IBSP: variants seen among roughly 807,000 people sequenced by gnomAD.
The protein encoded by IBSP is integrin-binding sialoprotein.
In IBSP, 19 loss-of-function variants were observed where a neutral mutation model predicts 25.5. That is an observed-to-expected ratio of 0.74 (90% CI 0.52 to 1.09). The LOEUF is 1.09. IBSP is among the 50% of genes least tolerant of loss of function. The pLI is 0.00. For synonymous variants in IBSP, 144 were observed against 137.6 expected (o/e 1.05, Z -0.33); for missense variants, 360 against 382.3 (o/e 0.94, Z 0.49).
intron 5 of IBSP, among the ~76,000 whole-genome samples, chr4:87,808,900 G>A (rs1722130093): frequency 1.3e-5 from 2 of 152,272 alleles, no homozygotes; most frequent in Admixed American, 1.3e-4. Context: ...GTGCTGCTAT[G>A]AACTTTCTAG....
intron 6 of IBSP, 143 bp downstream of exon 6, chr4:87,810,907 C>T (rs1217473156): frequency 7.5e-6 from 5 of 669,564 alleles, no homozygotes; most frequent in Non-Finnish European, 9.6e-6. Flanking sequence ...TTCATTAACT[C>T]GCTGAAGTGA....
chr4:87,805,233 A>C (rs1722074120), intron 4 of IBSP, among the ~76,000 whole-genome samples: 1 of 152,232 alleles, frequency 6.6e-6, no homozygotes, highest in Non-Finnish European at 1.5e-5. Context: ...TAACTGGGTC[A>C]TCAGAATCAA....
chr4:87,801,624 G>A (rs1722018578), intron 1 of IBSP, among the ~76,000 whole-genome samples: 1 of 151,880 alleles, frequency 6.6e-6, no homozygotes, highest in Admixed American at 6.6e-5. Flanking sequence ...ATAGAAGCTG[G>A]AAACCGCCTA....
At chr4:87,810,487 G>C (rs927544690) in intron 5 of IBSP, 119 bp from the exon 6 acceptor site, 2 of 745,706 alleles carry the variant, frequency 2.7e-6, no homozygotes, top group African/African-American at 3.5e-5. Flanking sequence ...TGATCAGCCA[G>C]CTGAGGGATG....
chr4:87,811,487 C>T lies in IBSP; in HGVS notation c.531C>T (p.Asn177=), dbSNP rs1405880835. 2 of 1,613,916 alleles carry T rather than the reference C, an allele frequency of 1.2e-6. No individual in the cohort carries two copies. Among genetic ancestry groups the T allele is most frequent in the Non-Finnish European group, 1.7e-6 (2 of 1,179,952 alleles). ...TGGATGAAAACGAACAAGGCATAAA[C>T]GGCACCAGTACCAACAGCACAGAGG... ...AEVDENEQGI[N]GTSTNSTEAE... is the part of the protein sequence containing the mutation. Residue 177 remains asparagine, a synonymous_variant, in exon 7 of 7, where the codon AAC becomes AAT. Transcript: ENST00000226284.
rs775276791 is a variant in IBSP at position 87,811,358 on chromosome 4, A to G, written c.406-4A>G. ...TTTGGGTTCTTTCAAACGTTTCCTT[A>G]CAGGCTGGGGATATAACAAATAAAG... On this transcript the variant is annotated splice_region_variant and splice_polypyrimidine_tract_variant and intron_variant, in intron 6 of 6. Transcript: ENST00000226284. 2 of 1,587,968 alleles carry G rather than the reference A, an allele frequency of 1.3e-6. No homozygotes were observed. The highest frequency in any genetic ancestry group is 2.7e-5 in the African/African-American group (2 of 73,100).
intron 6 of IBSP, 65 bp downstream of exon 6, chr4:87,810,829 CT>C: frequency 2.1e-6 from 3 of 1,424,048 alleles, no homozygotes; most frequent in Non-Finnish European, 2.9e-6. Context: ...AATGTTCAAT[CT>C]TTTTTAAACT....
In IBSP at chr4:87,811,546, A is replaced by T. The variant is rs756145939; in HGVS notation, c.590A>T (p.Asn197Ile). The stretch of plus-strand genomic sequence containing the variant: ...GGCAACGGCAGCAGCGGAGGAGACA[A>T]TGGAGAAGAAGGGGAAGAAGAAAGT... ...ENGNGSSGGD[N>I]GEEGEEESVT... The change falls in exon 7 of 7, where the codon AAT becomes ATT. Residue 197 changes from asparagine to isoleucine, a missense_variant. Asn to Ile is a moderately radical substitution (Grantham distance 149). Coordinates refer to ENST00000226284, the MANE Select transcript of IBSP (RefSeq NM_004967.4). The T allele has an allele frequency of 3.9e-5, 63 of 1,613,812 alleles. No homozygotes were observed. The highest frequency in any genetic ancestry group is 5.3e-5 in the Non-Finnish European group (62 of 1,179,946).
intron 5 of IBSP, among the ~76,000 whole-genome samples, chr4:87,807,864 G>T (rs1722111330): frequency 6.6e-6 from 1 of 152,158 alleles, no homozygotes; most frequent in Non-Finnish European, 1.5e-5. Context: ...ATGCTGCCTA[G>T]CATAATTTCT....
At position 87,811,736 on chromosome 4, in the gene IBSP, G is replaced by C. The variant is rs780337894; in HGVS notation, c.780G>C (p.Glu260Asp). ...PFGKTTTVEY[E>D]GEYEYTGANE... Reference sequence around the variant, plus strand: ...GGAAAACCACCACCGTTGAATACGAGGGGGAGTACGAATACACGGGCGCCA... The same window carrying C: ...GGAAAACCACCACCGTTGAATACGACGGGGAGTACGAATACACGGGCGCCA... Residue 260 changes from glutamate (E) to aspartate (D), a missense_variant, in exon 7 of 7, where the codon GAG becomes GAC. Physicochemically the swap from Glu to Asp is conservative, Grantham distance 45. Transcript: ENST00000226284. The C allele has an allele frequency of 3.7e-6, 6 of 1,613,886 alleles. No homozygotes were observed. Among genetic ancestry groups the C allele is most frequent in the East Asian group, 4.5e-5 (2 of 44,880 alleles).
rs1298670923 is a variant in IBSP, at chr4:87,812,137, A to C, written c.*227A>C. The C allele has an allele frequency of 7.0e-6, 3 of 426,606 alleles. No individual in the cohort carries two copies. Among genetic ancestry groups the C allele is most frequent in the Admixed American group, 8.2e-5 (2 of 24,382 alleles). 26.4% of individuals were successfully genotyped at this position (426,606 alleles called of 1,614,324 possible). On this transcript the variant is annotated 3_prime_UTR_variant, in exon 7 of 7. Coordinates refer to ENST00000226284, the MANE Select transcript of IBSP (RefSeq NM_004967.4). ...TGTAAATCAGGACCATTTATCAAGCAGTACACCAACTCATAAGATCAAATT... is the reference window on the plus strand; with the variant it reads ...TGTAAATCAGGACCATTTATCAAGCCGTACACCAACTCATAAGATCAAATT...
At chr4:87,801,691 G>C (rs1423432987) in intron 1 of IBSP, among the ~76,000 whole-genome samples, 6 of 152,114 alleles carry the variant, frequency 3.9e-5, no homozygotes, top group African/African-American at 7.2e-5. Flanking sequence ...ATCTCACTCT[G>C]TTGCCCAGGG....
rs796219608 is a variant in IBSP at position 87,807,006 on chromosome 4, G to GA, written c.246+832dup. ...CGCAACAGAGCAAGACTCTGTCACA[G>GA]AAAAAAAAAACAAAAACAACAAAAA... On this transcript the variant is annotated intron_variant, in intron 5 of 6. Coordinates refer to ENST00000226284, the MANE Select transcript of IBSP (RefSeq NM_004967.4). 3.1e-4 allele frequency among the ~76,000 whole-genome samples: 44 copies of GA among 144,124 alleles called. 1 individual carries two copies. Among genetic ancestry groups the GA allele is most frequent in the Admixed American group, 6.3e-4 (9 of 14,316 alleles). 94.6% of individuals were successfully genotyped at this position (144,124 alleles called of 152,430 possible).
chr4:87,811,986 T>C lies in IBSP; in HGVS notation c.*76T>C, dbSNP rs747714902. 5.1e-6 allele frequency: 6 copies of C among 1,166,432 alleles called. No individual in the cohort carries two copies. Among genetic ancestry groups the C allele is most frequent in the South Asian group, 1.6e-5 (1 of 63,410 alleles). 72.3% of individuals were successfully genotyped at this position (1,166,432 alleles called of 1,614,324 possible). A position where few individuals can be genotyped will look rare whatever the true frequency, so the allele number is the denominator to read the frequency against. On this transcript the variant is annotated 3_prime_UTR_variant, in exon 7 of 7. Transcript: ENST00000226284. The stretch of plus-strand genomic sequence containing the variant: ...ATTTTCGAAGTTCAACTCAGGAAGG[T>C]GCAATATAACAAATGTGCATATTAT...
intron 4 of IBSP, among the ~76,000 whole-genome samples, chr4:87,803,969 G>A (rs1722057955): frequency 6.6e-6 from 1 of 152,084 alleles, no homozygotes; most frequent in African/African-American, 2.4e-5. Flanking sequence ...TATTTTTATA[G>A]ATATGTATGT....
chr4:87,802,372 C>T lies in IBSP; in HGVS notation c.11C>T (p.Ala4Val). ...GAAGCAATCACCAAAATGAAGACTGCTTTAATTTTGCTCAGCATTTTGGGA... is the reference window on the plus strand; with the variant it reads ...GAAGCAATCACCAAAATGAAGACTGTTTTAATTTTGCTCAGCATTTTGGGA... Reference protein sequence around the residue: MKTALILLSILGMA... With the variant: MKTVLILLSILGMA... The change falls in exon 2 of 7, where the codon GCT becomes GTT. Residue 4 changes from alanine (A) to valine (V), a missense_variant. Physicochemically the swap from Ala to Val is moderately conservative, Grantham distance 64. Transcript: ENST00000226284. 2 of 1,609,860 alleles carry T rather than the reference C, an allele frequency of 1.2e-6. No individual in the cohort carries two copies. The highest frequency in any genetic ancestry group is 1.7e-6 in the Non-Finnish European group (2 of 1,178,134).
chr4:87,802,039 G>C (rs117911354), intron 1 of IBSP, among the ~76,000 whole-genome samples: 1 of 152,334 alleles, frequency 6.6e-6, no homozygotes, highest in East Asian at 1.9e-4. Context: ...CATTACGCCA[G>C]TGTGAAGTAC....
chr4:87,799,765 T>G (rs1345868795), intron 1 of IBSP, 132 bp downstream of exon 1: 1 of 152,222 alleles, frequency 6.6e-6, no homozygotes, highest in Non-Finnish European at 1.5e-5. Flanking sequence ...TATTTATCAT[T>G]AAACTGGCAC....
chr4:87,803,768 A>C (rs914700067), intron 4 of IBSP, among the ~76,000 whole-genome samples: 1 of 151,784 alleles, frequency 6.6e-6, no homozygotes, highest in African/African-American at 2.4e-5. Context: ...ATGAAACAAG[A>C]GTTGTGGGTT....
Sources: allele counts gnomAD v4.1 joint callset (sites outside exome capture counted in the v4.1 genomes callset), GRCh38; gene constraint gnomAD v4.1.1; transcripts MANE v1.5; gene names NCBI Gene and HGNC (gene_info 2026-07-23, HGNC 2026-07-21).